SLC36A1: variants seen among roughly 807,000 people sequenced by gnomAD.
SLC36A1 encodes the protein proton-coupled amino acid transporter 1.
Under a neutral mutation model 47.5 loss-of-function variants are expected in SLC36A1, and 30 were observed. That is an observed-to-expected ratio of 0.63 (90% CI 0.47 to 0.86). The LOEUF (loss-of-function observed/expected upper bound fraction) is 0.86. SLC36A1 is among the 40% of genes least tolerant of loss of function. SLC36A1 has a pLI of 0.00. For missense variants in SLC36A1, 517 were observed against 606.0 expected, an observed-to-expected ratio of 0.85 and a Z score of 1.54; for synonymous variants, 255 against 249.7, an observed-to-expected ratio of 1.02 and a Z score of -0.20.
chr5:151,432,313 AG>A (rs1435787422), upstream of SLC36A1, among the ~76,000 whole-genome samples: 2 of 152,194 alleles, frequency 1.3e-5, no homozygotes, highest in Non-Finnish European at 2.9e-5. Context: ...GCTCTTGCAA[AG>A]GCGGTCAGCA....
the SLC36A1 span, among the ~76,000 whole-genome samples, chr5:151,349,210 C>G: frequency 2.0e-5 from 3 of 152,136 alleles, no homozygotes; most frequent in African/African-American, 4.8e-5. Flanking sequence ...TTCTTGCCTT[C>G]CTCTCCAGGT....
At chr5:151,555,582 CTGGTCT>C in the SLC36A1 span, among the ~76,000 whole-genome samples, 1 of 151,810 alleles carries the variant, frequency 6.6e-6, no homozygotes, top group Non-Finnish European at 1.5e-5. Context: ...GTTGGCCAGG[CTGGTCT>C]TGAACTCCTA....
chr5:151,491,500 TTC>T lies in SLC36A1; in HGVS notation c.*3253_*3254del, dbSNP rs1246359872. ...AAGTACATTAGAAAAATCATGTTTC[TTC>T]TCTCTCATCTTACTTTTTCTTCTCA... On this transcript the variant is annotated 3_prime_UTR_variant, in exon 11 of 11. Transcript: ENST00000243389. The T allele has an allele frequency of 7.8e-6, 1 of 128,540 alleles. No individual in the cohort carries two copies. The highest frequency in any genetic ancestry group is 2.3e-4 in the East Asian group (1 of 4,444). The allele number at this position is 128,540 out of a possible 1,614,324, so 8.0% of individuals were successfully genotyped here.
the SLC36A1 span, chr5:151,544,562 G>A: frequency 6.2e-7 from 1 of 1,613,942 alleles, no homozygotes; most frequent in East Asian, 2.2e-5. Context: ...TGGAGAATTG[G>A]GGTATAGAGG....
Position 151,479,392 on chromosome 5 carries a change from G to A in SLC36A1, c.1062G>A (p.Pro354=), listed in dbSNP as rs757212363. The A allele has an allele frequency of 2.7e-5, 44 of 1,614,076 alleles. No homozygotes were observed. In the South Asian group the frequency reaches 2.9e-4, roughly 10 times the overall value. The change falls in exon 10 of 11, where the codon CCG becomes CCA. Residue 354 remains proline (P), a synonymous_variant. Transcript: ENST00000243389. ...FFTYALQFYV[P]AEIIIPFFVS... is the part of the protein sequence containing the mutation. ...CCTACGCACTCCAGTTCTACGTCCCGGCTGAGATCATCATCCCCTTCTTTG... is the reference window on the plus strand; with the variant it reads ...CCTACGCACTCCAGTTCTACGTCCCAGCTGAGATCATCATCCCCTTCTTTG...
intron 9 of SLC36A1, among the ~76,000 whole-genome samples, chr5:151,477,226 T>C (rs1182331818): frequency 6.6e-6 from 1 of 152,176 alleles, no homozygotes; most frequent in Non-Finnish European, 1.5e-5. Context: ...TATAGGGAAA[T>C]AGTGAGCCAT....
At chr5:151,445,590 G>A (rs938801490), upstream of SLC36A1, among the ~76,000 whole-genome samples, 15 of 152,238 alleles carry the variant, frequency 9.9e-5, no homozygotes, top group African/African-American at 3.4e-4. Context: ...CAGCTGTGAA[G>A]CCATCTGGTC....
At chr5:151,505,968 A>T in the SLC36A1 span, 2 of 1,572,796 alleles carry the variant, frequency 1.3e-6, no homozygotes, top group African/African-American at 2.7e-5. Context: ...AGGCTCTGGC[A>T]TCACGACTGG....
the SLC36A1 span, among the ~76,000 whole-genome samples, chr5:151,415,887 C>G: frequency 7.9e-5 from 12 of 152,210 alleles, 2 homozygotes; most frequent in Admixed American, 7.2e-4. Flanking sequence ...GGGTGGATCA[C>G]CTGAGGTCAG....
the SLC36A1 span, among the ~76,000 whole-genome samples, chr5:151,403,614 T>G: frequency 6.6e-6 from 1 of 152,200 alleles, no homozygotes; most frequent in Non-Finnish European, 1.5e-5. Context: ...AAAACCTTTC[T>G]TCTTAAAAAT....
the SLC36A1 span, chr5:151,378,106 C>T: frequency 2.9e-6 from 1 of 350,294 alleles, no homozygotes; most frequent in South Asian, 3.3e-5. Flanking sequence ...TGGCTAATTT[C>T]CACATTGGTA....
chr5:151,521,197 C>A, the SLC36A1 span: 7 of 1,429,362 alleles, frequency 4.9e-6, no homozygotes, highest in East Asian at 1.4e-4. Flanking sequence ...CACAGAGCCT[C>A]AGTGGAATCT....
At chr5:151,421,184 C>CCTTCCTTCCTTG in the SLC36A1 span, among the ~76,000 whole-genome samples, 1 of 143,440 alleles carries the variant, frequency 7.0e-6, no homozygotes, top group Non-Finnish European at 1.5e-5. Flanking sequence ...CTCCTTCCTT[C>CCTTCCTTCCTTG]CTTCCTTCCT....
chr5:151,367,374 T>TTTTTTTTTTTTTTTTTTTTTTC, the SLC36A1 span, among the ~76,000 whole-genome samples: 3 of 145,464 alleles, frequency 2.1e-5, no homozygotes, highest in Non-Finnish European at 4.5e-5. Context: ...TTTTTTTTTT[T>TTTTTTTTTTTTTTTTTTTTTTC]CCCCAGGGTA....
chr5:151,427,100 A>G, the SLC36A1 span, among the ~76,000 whole-genome samples: 17 of 152,170 alleles, frequency 1.1e-4, no homozygotes, highest in Admixed American at 6.5e-5. Flanking sequence ...TTTTTTCTAC[A>G]TAGACACAGT....
At chr5:151,403,913 T>A in the SLC36A1 span, among the ~76,000 whole-genome samples, 1 of 152,226 alleles carries the variant, frequency 6.6e-6, no homozygotes, top group African/African-American at 2.4e-5. Flanking sequence ...TTTGGTGGAT[T>A]ATTCTGTAGA....
chr5:151,492,956 G>T (rs1760228336), downstream of SLC36A1, among the ~76,000 whole-genome samples: 1 of 152,152 alleles, frequency 6.6e-6, no homozygotes, highest in South Asian at 2.1e-4. Flanking sequence ...GGTCATGGGA[G>T]CCAGTTCCTT....
chr5:151,349,159 T>C, the SLC36A1 span, among the ~76,000 whole-genome samples: 1 of 152,188 alleles, frequency 6.6e-6, no homozygotes, highest in East Asian at 1.9e-4. Flanking sequence ...AGGTCAGTAA[T>C]AAGATTGTTG....
At chr5:151,442,741 T>A (rs185925688), upstream of SLC36A1, among the ~76,000 whole-genome samples, 1 of 152,228 alleles carries the variant, frequency 6.6e-6, no homozygotes, top group African/African-American at 2.4e-5. Flanking sequence ...TCTAGACTTA[T>A]GGATCCTACA....
Sources: allele counts gnomAD v4.1 joint callset (sites outside exome capture counted in the v4.1 genomes callset), GRCh38; gene constraint gnomAD v4.1.1; transcripts MANE v1.5; gene names NCBI Gene and HGNC (gene_info 2026-07-23, HGNC 2026-07-21).